The following DPY30 variants were observed in gnomAD, a reference collection of about 807,000 sequenced individuals.
DPY30 encodes protein dpy-30 homolog.
A neutral mutation model predicts 16.2 loss-of-function variants in DPY30; 6 were observed. The observed-to-expected ratio is 0.37, with a 90% CI of 0.20 to 0.73. The LOEUF (loss-of-function observed/expected upper bound fraction) is 0.73, where lower values mean the gene tolerates loss of function less well. Ranked by LOEUF, DPY30 falls within the 30% of genes least tolerant of loss-of-function variation. The pLI is 0.51. For missense variants in DPY30, 73 were observed against 113.1 expected (o/e 0.65, Z 1.61); for synonymous variants, 39 against 38.8 (o/e 1.00, Z -0.02).
At chr2:32,017,510 G>A (rs1190381580) in intron 5 of DPY30, among the ~76,000 whole-genome samples, 1 of 151,792 alleles carries the variant, frequency 6.6e-6, no homozygotes, top group African/African-American at 2.4e-5. Flanking sequence ...CCAGCTACTT[G>A]GGAGGCTGAG....
At chr2:32,015,249 C>A (rs1339706955) in intron 5 of DPY30, among the ~76,000 whole-genome samples, 1 of 152,104 alleles carries the variant, frequency 6.6e-6, no homozygotes, top group Non-Finnish European at 1.5e-5. Flanking sequence ...AATAGTAACA[C>A]AGCATTTTGA....
intron 3 of DPY30, among the ~76,000 whole-genome samples, chr2:32,031,634 C>T (rs777355878): frequency 6.6e-6 from 1 of 151,664 alleles, no homozygotes; most frequent in Non-Finnish European, 1.5e-5. Context: ...GTGGCTCACA[C>T]CTGTAATCCC....
intron 5 of DPY30, among the ~76,000 whole-genome samples, chr2:32,016,796 G>A (rs954015544): frequency 5.9e-5 from 9 of 152,014 alleles, no homozygotes; most frequent in Non-Finnish European, 8.8e-5. Flanking sequence ...ACTAAACGAC[G>A]TCATCATTAA....
At chr2:32,035,882 C>T (rs1185166998) in intron 3 of DPY30, among the ~76,000 whole-genome samples, 1 of 147,840 alleles carries the variant, frequency 6.8e-6, no homozygotes, top group South Asian at 2.1e-4. Flanking sequence ...TACAGTAAGC[C>T]GAGATCACGC....
chr2:32,014,122 T>C (rs180888109), intron 5 of DPY30, among the ~76,000 whole-genome samples: 1 of 152,226 alleles, frequency 6.6e-6, no homozygotes, highest in African/African-American at 2.4e-5. Flanking sequence ...AGCAAACAAC[T>C]AGAAACAACC....
intron 3 of DPY30, among the ~76,000 whole-genome samples, chr2:32,036,257 C>A (rs913060645): frequency 1.3e-5 from 2 of 152,030 alleles, no homozygotes; most frequent in African/African-American, 4.8e-5. Flanking sequence ...GGATTACAGG[C>A]ATGAGTCACG....
intron 3 of DPY30, among the ~76,000 whole-genome samples, chr2:32,036,046 A>C (rs1450080487): frequency 1.3e-5 from 2 of 150,840 alleles, no homozygotes; most frequent in East Asian, 3.9e-4. Flanking sequence ...GTGCACTGGC[A>C]TGATCCTGGT....
At chr2:32,038,505 A>G (rs1675840070) in intron 3 of DPY30, among the ~76,000 whole-genome samples, 1 of 151,382 alleles carries the variant, frequency 6.6e-6, no homozygotes, top group Non-Finnish European at 1.5e-5. Flanking sequence ...CTGCAGCCTC[A>G]ACCTCCCCAG....
downstream of DPY30, among the ~76,000 whole-genome samples, chr2:32,022,038 C>T (rs750298165): frequency 4.0e-5 from 6 of 151,850 alleles, no homozygotes; most frequent in African/African-American, 1.2e-4. Context: ...AGTGAAACCC[C>T]GTCTCTACTA....
At chr2:32,039,177 A>G in intron 3 of DPY30, 102 bp downstream of exon 3, 2 of 1,430,686 alleles carry the variant, frequency 1.4e-6, no homozygotes, top group Non-Finnish European at 2.0e-6. Context: ...TCACGATAAC[A>G]AAGTTTTCCC....
chr2:32,020,123 G>T (rs1296009348), downstream of DPY30, among the ~76,000 whole-genome samples: 1 of 151,862 alleles, frequency 6.6e-6, no homozygotes, highest in Non-Finnish European at 1.5e-5. Context: ...GGAGGCTGAC[G>T]CAAGAAGATG....
At chr2:32,022,954 G>T (rs1376956252), downstream of DPY30, among the ~76,000 whole-genome samples, 1 of 152,184 alleles carries the variant, frequency 6.6e-6, no homozygotes, top group Non-Finnish European at 1.5e-5. Flanking sequence ...GGAGGGAGAA[G>T]ATGGGCATAC....
downstream of DPY30, chr2:32,023,421 C>A (rs1675227680): frequency 4.3e-6 from 2 of 469,296 alleles, no homozygotes; most frequent in Admixed American, 2.4e-5. Flanking sequence ...CAAAAACTTA[C>A]CAGCAGTGTT....
intron 3 of DPY30, among the ~76,000 whole-genome samples, chr2:32,031,739 A>G (rs1421522781): frequency 1.3e-5 from 2 of 151,986 alleles, no homozygotes; most frequent in South Asian, 2.1e-4. Flanking sequence ...CTAAAAATAC[A>G]AAAATTAGCT....
chr2:32,021,510 T>C (rs1008412930), downstream of DPY30, among the ~76,000 whole-genome samples: 20 of 151,586 alleles, frequency 1.3e-4, no homozygotes, highest in African/African-American at 3.9e-4. Context: ...AAACCCTGTC[T>C]CTACTAAAAC....
At chr2:32,021,690 AAGC>A (rs972041857), downstream of DPY30, among the ~76,000 whole-genome samples, 5 of 151,732 alleles carry the variant, frequency 3.3e-5, no homozygotes, top group Admixed American at 2.0e-4. Context: ...AAAAAAAAAA[AAGC>A]AACAACAAAA....
In DPY30 at chr2:32,035,708, C is replaced by A. The variant is rs575945668; in HGVS notation, c.84+3571G>T. ...CAGCACTTTGGGAGGCTGAGGCAGG[C>A]AGCTTACTTAAGGTCAGCAGTTTGA... On this transcript the variant is annotated intron_variant, in intron 3 of 4. Coordinates refer to ENST00000342166, the MANE Select transcript of DPY30 (RefSeq NM_001321209.2). Among the ~76,000 whole-genome samples, 25 of 151,948 alleles carry A rather than the reference C, an allele frequency of 1.6e-4. 2 individuals are homozygous for A. The South Asian group carries it at 3.5e-3, about 21-fold the overall frequency.
intron 3 of DPY30, among the ~76,000 whole-genome samples, chr2:32,033,113 C>T (rs565908133): frequency 9.7e-4 from 140 of 143,638 alleles, no homozygotes; most frequent in African/African-American, 3.6e-3. Flanking sequence ...GAGTTCCAGA[C>T]CAGCCTGCCC....
intron 3 of DPY30, among the ~76,000 whole-genome samples, chr2:32,031,062 G>A (rs1047191168): frequency 6.6e-6 from 1 of 152,104 alleles, no homozygotes; most frequent in Non-Finnish European, 1.5e-5. Flanking sequence ...AGATTCGACT[G>A]ACATTCAGAG....
Sources: allele counts gnomAD v4.1 joint callset (sites outside exome capture counted in the v4.1 genomes callset), GRCh38; gene constraint gnomAD v4.1.1; transcripts MANE v1.5; gene names NCBI Gene and HGNC (gene_info 2026-07-23, HGNC 2026-07-21).